Variants in ANK2 observed in about 807,000 individuals in gnomAD.
ANK2 encodes the protein ankyrin-2.
In ANK2, 83 loss-of-function variants were observed where a neutral mutation model predicts 360.5. The ratio of observed to expected loss-of-function variants is 0.23; its 90% CI spans 0.19 to 0.28. ANK2 has a LOEUF of 0.28. Among genes scored for constraint, ANK2 ranks in the 10% least tolerant of loss-of-function variants. ANK2 has a pLI of 1.00. For missense variants in ANK2, 4,201 were observed against 4,795.7 expected (o/e 0.88, Z 3.66); for synonymous variants, 1,740 against 1,759.5 (o/e 0.99, Z 0.28).
At chr4:113,274,941 A>G (rs927836477) in intron 15 of ANK2, among the ~76,000 whole-genome samples, 4 of 152,196 alleles carry the variant, frequency 2.6e-5, no homozygotes, top group Admixed American at 6.5e-5. Context: ...AAAATCCATA[A>G]TATATTCTTA....
At chr4:113,347,820 AAG>A in intron 35 of ANK2, 2 of 176,640 alleles carry the variant, frequency 1.1e-5, no homozygotes, top group East Asian at 1.5e-4. Flanking sequence ...AAAAAAAAAA[AAG>A]AAAGAATTTA....
the ANK2 span, among the ~76,000 whole-genome samples, chr4:112,708,424 C>T: frequency 6.6e-6 from 1 of 152,092 alleles, no homozygotes; most frequent in Non-Finnish European, 1.5e-5. Context: ...ATCTATTGGT[C>T]ATACTATTAA....
intron 17 of ANK2, among the ~76,000 whole-genome samples, chr4:113,279,496 C>G (rs1374341520): frequency 6.6e-5 from 10 of 151,846 alleles, no homozygotes; most frequent in Admixed American, 5.9e-4. Context: ...TGTGTTTGAC[C>G]TCAGGCAGAC....
At position 113,258,363 on chromosome 4, in the gene ANK2, T is replaced by C. The variant is rs1269042411; in HGVS notation, c.1338T>C (p.Ile446=). 12 of 1,614,056 alleles carry C rather than the reference T, an allele frequency of 7.4e-6. No homozygotes were observed. Among genetic ancestry groups the C allele is most frequent in the African/African-American group, 1.3e-5 (1 of 74,926 alleles). The change falls in exon 13 of 46, where the codon ATT becomes ATC. Residue 446 remains isoleucine (I), a synonymous_variant. Coordinates refer to ENST00000357077, the MANE Select transcript of ANK2 (RefSeq NM_001148.6). ...HVAAFMGHLN[I]VLLLLQNGAS... ...CTGCCTTCATGGGCCACTTGAACAT[T>C]GTCCTCCTTCTGCTGCAGAACGGAG...
chr4:112,922,205 G>A (rs946327182), intron 2 of ANK2, among the ~76,000 whole-genome samples: 2 of 152,132 alleles, frequency 1.3e-5, no homozygotes. Context: ...AGGACAGAAA[G>A]CATTTTTTGA....
intron 2 of ANK2, among the ~76,000 whole-genome samples, chr4:113,043,133 G>C (rs910632714): frequency 1.3e-5 from 2 of 152,148 alleles, no homozygotes; most frequent in African/African-American, 4.8e-5. Flanking sequence ...ACATAGGTGA[G>C]AGGAACAAAA....
intron 2 of ANK2, among the ~76,000 whole-genome samples, chr4:112,908,939 A>G (rs1238663371): frequency 1.3e-5 from 2 of 152,176 alleles, no homozygotes; most frequent in African/African-American, 4.8e-5. Flanking sequence ...AAAATCACAA[A>G]AGGAAATGAG....
At chr4:113,144,906 T>G (rs180721647) in intron 1 of ANK2, among the ~76,000 whole-genome samples, 86 of 151,066 alleles carry the variant, frequency 5.7e-4, no homozygotes, top group Non-Finnish European at 1.2e-3. Flanking sequence ...CACAAAGCTT[T>G]GATTTGATCA....
In ANK2 at chr4:113,184,455, C is replaced by A. The variant is rs375146425; in HGVS notation, c.186+9938C>A. On this transcript the variant is annotated intron_variant, in intron 2 of 45. Transcript: ENST00000357077. ...AGGAGTCTGTAGAGTTCAGGAGTCC[C>A]ATCTTGATTTTTGCTGTTGGAGACA... Among the ~76,000 whole-genome samples the A allele has an allele frequency of 2.2e-4, 34 of 152,096 alleles. 1 individual carries two copies. The highest frequency in any genetic ancestry group is 7.0e-4 in the African/African-American group (29 of 41,514).
At chr4:113,171,907 G>A (rs1488995340) in intron 1 of ANK2, among the ~76,000 whole-genome samples, 1 of 152,110 alleles carries the variant, frequency 6.6e-6, no homozygotes, top group East Asian at 1.9e-4. Flanking sequence ...CCAGGCTGCT[G>A]CATTGGTGTT....
intron 5 of ANK2, among the ~76,000 whole-genome samples, chr4:113,234,530 C>G (rs1382896345): frequency 2.0e-5 from 3 of 152,000 alleles, no homozygotes; most frequent in Non-Finnish European, 4.4e-5. Context: ...CTTTTTCGTG[C>G]ATCATTCTGT....
In ANK2 at chr4:113,282,667, C is replaced by G. The variant is rs3025720; in HGVS notation, c.1882-8C>G. On this transcript the variant is annotated splice_polypyrimidine_tract_variant and splice_region_variant and intron_variant, in intron 17 of 45. Transcript: ENST00000357077. ...TATATGCATGTGTTTTATTTTTGTT[C>G]TTTTTAGAATGGCTATACTCCGTTA... is the stretch of plus-strand genomic sequence containing the variant. 1.0e-5 allele frequency: 16 copies of G among 1,604,482 alleles called. No individual in the cohort carries two copies. In the Admixed American group the frequency reaches 2.0e-4, roughly 20 times the overall value.
chr4:112,948,037 G>A (rs946178753), intron 2 of ANK2, among the ~76,000 whole-genome samples: 11 of 152,270 alleles, frequency 7.2e-5, no homozygotes, highest in Non-Finnish European at 1.5e-4. Context: ...TGTAATATGC[G>A]CTTCCTAATG....
intron 2 of ANK2, among the ~76,000 whole-genome samples, chr4:112,971,762 C>G (rs1409179069): frequency 6.6e-6 from 1 of 152,078 alleles, no homozygotes; most frequent in African/African-American, 2.4e-5. Context: ...ATTACACACG[C>G]CATGGTCCTC....
chr4:113,255,940 T>C lies in ANK2; in HGVS notation c.1188+8T>C, dbSNP rs1404179020. On this transcript the variant is annotated splice_region_variant and intron_variant, in intron 11 of 45. Transcript: ENST00000357077. ...CCGAACGCCAGAGCCCTGGTAAACT[T>C]GGCCCAGTCCACATTAACTGAATAC... 1 of 1,613,806 alleles carries C rather than the reference T, an allele frequency of 6.2e-7. No homozygotes were observed. Among genetic ancestry groups the C allele is most frequent in the Admixed American group, 1.7e-5 (1 of 60,022 alleles).
chr4:112,769,365 G>A, the ANK2 span, among the ~76,000 whole-genome samples: 1 of 152,194 alleles, frequency 6.6e-6, no homozygotes, highest in African/African-American at 2.4e-5. Context: ...AGTCGGGGAA[G>A]ACTAAATAGA....
At chr4:113,032,238 T>G (rs944174406) in intron 2 of ANK2, among the ~76,000 whole-genome samples, 5 of 152,090 alleles carry the variant, frequency 3.3e-5, no homozygotes, top group African/African-American at 1.2e-4. Context: ...ATAGAATGTT[T>G]TGGATTCATG....
At chr4:113,185,576 A>ATTT (rs1275145158) in intron 2 of ANK2, among the ~76,000 whole-genome samples, 1 of 151,968 alleles carries the variant, frequency 6.6e-6, no homozygotes, top group Non-Finnish European at 1.5e-5. Context: ...TTTCTTGTAA[A>ATTT]TTTGTTTAAG....
At chr4:113,253,765 G>A (rs1480918146) in intron 10 of ANK2, among the ~76,000 whole-genome samples, 1 of 152,012 alleles carries the variant, frequency 6.6e-6, no homozygotes, top group African/African-American at 2.4e-5. Flanking sequence ...ACTGCAAGAG[G>A]CCCCTAATTG....
Sources: gnomAD v4.1 joint callset for allele counts (sites outside exome capture counted in the v4.1 genomes callset) on GRCh38, gnomAD v4.1.1 for gene constraint, MANE v1.5 for transcripts, NCBI Gene and HGNC (gene_info 2026-07-23, HGNC 2026-07-21) for gene names.